The following FSIP2 variants were observed in gnomAD, a reference collection of about 807,000 sequenced individuals.
FSIP2 encodes fibrous sheath interacting protein 2.
A neutral mutation model predicts 510.5 loss-of-function variants in FSIP2; 367 were observed. The observed-to-expected ratio is 0.72, with a 90% confidence interval of 0.66 to 0.78. The LOEUF (loss-of-function observed/expected upper bound fraction) is 0.78. FSIP2 is among the 30% of genes least tolerant of loss of function. The pLI is 0.00. For synonymous variants in FSIP2, 2,601 were observed against 2,732.2 expected, an observed-to-expected ratio of 0.95 and a Z score of 1.50; for missense variants, 7,594 against 7,901.7, an observed-to-expected ratio of 0.96 and a Z score of 1.48.
At chr2:185,781,117 A>G (rs1410501755) in intron 13 of FSIP2, among the ~76,000 whole-genome samples, 2 of 89,126 alleles carry the variant, frequency 2.2e-5, no homozygotes, top group African/African-American at 9.1e-5. Context: ...TCCTAAACAG[A>G]TGGCCCCTGA....
intron 7 of FSIP2, among the ~76,000 whole-genome samples, chr2:185,749,046 A>G (rs1055920912): frequency 4.6e-5 from 7 of 151,968 alleles, no homozygotes; most frequent in African/African-American, 1.7e-4. Context: ...TATTTGTTTG[A>G]TTGCTGTACC....
At chr2:185,739,241 T>C (rs868218391) in intron 1 of FSIP2, 105 bp from the exon 2 acceptor site, 4 of 1,283,746 alleles carry the variant, frequency 3.1e-6, no homozygotes, top group Non-Finnish European at 4.2e-6. Context: ...CGAACCCTGA[T>C]TGTATAATTC....
At position 185,813,904 on chromosome 2, in the gene FSIP2, T is replaced by C. The variant is rs1303554338; in HGVS notation, c.20187T>C (p.Ser6729=). 6.2e-7 allele frequency: 1 copy of C among 1,613,758 alleles called. No individual in the cohort carries two copies. Residue 6729 remains serine, a synonymous_variant, in exon 18 of 23, where the codon AGT becomes AGC. Transcript: ENST00000424728. Reference sequence around the variant, plus strand: ...CCACAGCCAGTGCAAATATTGAAAGTACTGAAGCAATCTCAAATCAGGTAA... The same window carrying C: ...CCACAGCCAGTGCAAATATTGAAAGCACTGAAGCAATCTCAAATCAGGTAA... ...CQTTASANIE[S]TEAISNQVIE...
At chr2:185,752,373 G>A (rs747885936) in intron 7 of FSIP2, among the ~76,000 whole-genome samples, 5 of 150,658 alleles carry the variant, frequency 3.3e-5, no homozygotes, top group South Asian at 2.1e-4. Context: ...TTTATCCCTA[G>A]TTTTGAGAAA....
chr2:185,817,577 G>T (rs1693848126), intron 19 of FSIP2, among the ~76,000 whole-genome samples: 1 of 151,950 alleles, frequency 6.6e-6, no homozygotes, highest in African/African-American at 2.4e-5. Flanking sequence ...TGTTTCCAAG[G>T]CTCAAAGTCT....
rs767719171 is a variant in FSIP2, at chr2:185,806,201, T to C, written c.16895T>C (p.Leu5632Ser). The C allele has an allele frequency of 5.0e-6, 8 of 1,599,686 alleles. No individual in the cohort carries two copies. The highest frequency in any genetic ancestry group is 1.8e-5 in the Admixed American group (1 of 56,636). The change falls in exon 17 of 23, where the codon TTG (leucine) becomes TCG (serine). Residue 5632 changes from leucine (L) to serine (S), a missense_variant. By Grantham distance (145) the Leu-to-Ser change is moderately radical. Coordinates refer to ENST00000424728, the MANE Select transcript of FSIP2 (RefSeq NM_173651.4). ...GACAAGCTCTTTCAGTTATCCTCCT[T>C]GAAGTCCAAGAGAAATCTAGGGACT... is the stretch of plus-strand genomic sequence containing the variant. ...KDDKLFQLSS[L>S]KSKRNLGTTT...
At chr2:185,832,444 T>C (rs1347700301) in intron 22 of FSIP2, among the ~76,000 whole-genome samples, 3 of 151,946 alleles carry the variant, frequency 2.0e-5, no homozygotes, top group Non-Finnish European at 1.5e-5. Flanking sequence ...AAGCTGGGTA[T>C]TAAAGTTTTA....
At chr2:185,780,235 C>T (rs1238777375) in intron 13 of FSIP2, among the ~76,000 whole-genome samples, 2 of 151,890 alleles carry the variant, frequency 1.3e-5, no homozygotes, top group Non-Finnish European at 2.9e-5. Flanking sequence ...GTACAAGCTT[C>T]AGCCATTTCC....
rs745866340 is a variant in FSIP2, at chr2:185,806,791, A to C, written c.17485A>C (p.Met5829Leu). ...QNQAKLYDTA[M>L]KLINSLLKEF... ...TCAAGCCAAACTCTATGACACTGCT[A>C]TGAAACTCATCAATTCACTGTTAAA... Residue 5829 changes from methionine (M) to leucine (L), a missense_variant, in exon 17 of 23, where the codon ATG (methionine) becomes CTG (leucine). Met to Leu is a conservative substitution (Grantham distance 15). Transcript: ENST00000424728. 15 of 1,612,018 alleles carry C rather than the reference A, an allele frequency of 9.3e-6. No individual in the cohort carries two copies. Among genetic ancestry groups the C allele is most frequent in the Non-Finnish European group, 1.3e-5 (15 of 1,178,722 alleles).
rs1196291626 is a variant in FSIP2 at position 185,802,430 on chromosome 2, C to T, written c.13124C>T (p.Thr4375Ile). 6.5e-7 allele frequency: 1 copy of T among 1,533,902 alleles called. No homozygotes were observed. Among genetic ancestry groups the T allele is most frequent in the Non-Finnish European group, 8.7e-7 (1 of 1,145,476 alleles). Residue 4375 changes from threonine (T) to isoleucine (I), a missense_variant, in exon 17 of 23, where the codon ACC becomes ATC. By Grantham distance (89) the Thr-to-Ile change is moderately conservative. Transcript: ENST00000424728. ...FNTDIVDELATSVYRNALKQH... is the reference protein window; with the variant it reads ...FNTDIVDELAISVYRNALKQH... ...ACAGATATTGTGGATGAACTTGCCA[C>T]CTCAGTTTATAGAAATGCTTTAAAG... is the stretch of plus-strand genomic sequence containing the variant.
At chr2:185,762,705 G>A (rs1158254584) in intron 11 of FSIP2, among the ~76,000 whole-genome samples, 1 of 150,968 alleles carries the variant, frequency 6.6e-6, no homozygotes, top group African/African-American at 2.4e-5. Flanking sequence ...CATTCCCTTT[G>A]CTCCTACCCT....
Position 185,796,391 on chromosome 2 carries a change from C to T in FSIP2, c.9255C>T (p.Ile3085=). Residue 3085 remains isoleucine (I), a synonymous_variant, in exon 16 of 23, where the codon ATC becomes ATT. Transcript: ENST00000424728. ...AATTACTTACATATGCTGTTAATAT[C>T]ATCAGTGACATGCTTGCTGTAATTA... The part of the protein sequence containing the change: ...HSQLLTYAVN[I]ISDMLAVIKN... 6.5e-7 allele frequency: 1 copy of T among 1,533,394 alleles called. No individual in the cohort carries two copies. Among genetic ancestry groups the T allele is most frequent in the Non-Finnish European group, 8.7e-7 (1 of 1,145,016 alleles). The allele number at this position is 1,533,394 out of a possible 1,614,324, so 95.0% of individuals were successfully genotyped here.
rs1692951282 is a variant in FSIP2 at position 185,785,526 on chromosome 2, C to CA, written c.1470-721dup. ...GAAGAAAAGCAGCAGTACAAATCAG[C>CA]AAAAATATACAAAAATAAATCAGAC... On this transcript the variant is annotated intron_variant, in intron 14 of 22. Transcript: ENST00000424728. Among the ~76,000 whole-genome samples the CA allele has an allele frequency of 2.6e-5, 4 of 151,896 alleles. No individual in the cohort carries two copies. In the East Asian group the frequency reaches 5.8e-4, roughly 22 times the overall value.
intron 10 of FSIP2, 36 bp from the exon 11 acceptor site, chr2:185,761,936 A>C: frequency 8.6e-7 from 1 of 1,167,972 alleles, no homozygotes; most frequent in South Asian, 1.4e-5. Flanking sequence ...TACAGTTACT[A>C]ATGTAATTTT....
In FSIP2 at chr2:185,794,551, A is replaced by G. The variant is rs1370109926; in HGVS notation, c.7415A>G (p.Asn2472Ser). ...GTTTTGGAAGAAATATTTATGAGAA[A>G]TGGAGAATCAAAAAACAAAGAAAAA... Reference protein sequence around the residue: ...IIVLEEIFMRNGESKNKEKGE... With the variant: ...IIVLEEIFMRSGESKNKEKGE... Residue 2472 changes from asparagine (N) to serine (S), a missense_variant, in exon 16 of 23, where the codon AAT (asparagine) becomes AGT (serine). Coordinates refer to ENST00000424728, the MANE Select transcript of FSIP2 (RefSeq NM_173651.4). 6.5e-7 allele frequency: 1 copy of G among 1,531,088 alleles called. No homozygotes were observed. The highest frequency in any genetic ancestry group is 1.4e-5 in the African/African-American group (1 of 72,658). 94.8% of individuals were successfully genotyped at this position (1,531,088 alleles called of 1,614,324 possible).
In FSIP2 at chr2:185,738,843, A is replaced by G; in HGVS notation, c.-52A>G. On this transcript the variant is annotated 5_prime_UTR_variant, in exon 1 of 23. Transcript: ENST00000424728. ...CCGGACAGAGGGACAACGGGGTGCT[A>G]GAGAAGGAGAGCGGGGCGGGTGAGG... 6.5e-7 allele frequency: 1 copy of G among 1,534,884 alleles called. No individual in the cohort carries two copies. The highest frequency in any genetic ancestry group is 8.7e-7 in the Non-Finnish European group (1 of 1,146,274).
At chr2:185,785,775 A>G (rs1692958389) in intron 14 of FSIP2, among the ~76,000 whole-genome samples, 1 of 152,028 alleles carries the variant, frequency 6.6e-6, no homozygotes, top group Admixed American at 6.6e-5. Flanking sequence ...AAGCATTCAC[A>G]TATTTTCTTC....
intron 15 of FSIP2, 150 bp downstream of exon 15, chr2:185,786,438 T>G: frequency 1.7e-6 from 1 of 596,132 alleles, no homozygotes; most frequent in Non-Finnish European, 3.0e-6. Context: ...CATTGAAGTC[T>G]ACTTTCAGTT....
chr2:185,826,848 A>G (rs1694019142), intron 20 of FSIP2, among the ~76,000 whole-genome samples: 1 of 151,818 alleles, frequency 6.6e-6, no homozygotes, highest in South Asian at 2.1e-4. Flanking sequence ...TCAAGTTGAG[A>G]TGTCACGTAA....
Sources: gnomAD v4.1 joint callset for allele counts (sites outside exome capture counted in the v4.1 genomes callset) on GRCh38, gnomAD v4.1.1 for gene constraint, MANE v1.5 for transcripts, NCBI Gene and HGNC (gene_info 2026-07-23, HGNC 2026-07-21) for gene names.